The following CSMD1 variants were observed in gnomAD, a reference collection of about 807,000 sequenced individuals.
CSMD1 encodes CUB and sushi domain-containing protein 1.
A neutral mutation model predicts 417.5 loss-of-function variants in CSMD1; 213 were observed. The observed-to-expected ratio is 0.51, with a 90% CI of 0.46 to 0.57. The LOEUF (loss-of-function observed/expected upper bound fraction) is 0.57. Among genes scored for constraint, CSMD1 ranks in the 20% least tolerant of loss-of-function variants. CSMD1 has a pLI of 0.00. For synonymous variants in CSMD1, 2,862 were observed against 1,736.8 expected, an observed-to-expected ratio of 1.65 and a Z score of -16.11; for missense variants, 6,923 against 4,529.7, an observed-to-expected ratio of 1.53 and a Z score of -15.17.
chr8:4,930,010 G>A (rs1006443644), intron 1 of CSMD1, among the ~76,000 whole-genome samples: 12 of 152,168 alleles, frequency 7.9e-5, no homozygotes, highest in African/African-American at 2.9e-4. Context: ...AAGCACTGAT[G>A]AGGTGAATGA....
At position 3,920,462 on chromosome 8, in the gene CSMD1, G is replaced by A. The variant is rs982327191; in HGVS notation, c.818+77441C>T. On this transcript the variant is annotated intron_variant, in intron 5 of 69. Transcript: ENST00000635120. The stretch of plus-strand genomic sequence containing the variant: ...TTACTTCTTACTTTCCAATTTGAGT[G>A]CCTTTTATTCTTTTACTTTCCTAAT... Among the ~76,000 whole-genome samples, 6 of 151,958 alleles carry A rather than the reference G, an allele frequency of 3.9e-5. No individual in the cohort carries two copies. The East Asian group carries it at 1.2e-3, about 29-fold the overall frequency.
chr8:4,304,700 C>A (rs551967237), intron 3 of CSMD1, among the ~76,000 whole-genome samples: 33 of 152,208 alleles, frequency 2.2e-4, no homozygotes, highest in African/African-American at 7.5e-4. Flanking sequence ...GAAGATGATG[C>A]CCCTCCCTAC....
intron 3 of CSMD1, among the ~76,000 whole-genome samples, chr8:4,162,206 G>C (rs185521161): frequency 2.0e-5 from 3 of 152,268 alleles, no homozygotes; most frequent in African/African-American, 7.2e-5. Flanking sequence ...TTATATGCAT[G>C]TCTTTTAATT....
At chr8:4,952,295 A>G (rs977141604) in intron 1 of CSMD1, among the ~76,000 whole-genome samples, 2 of 151,980 alleles carry the variant, frequency 1.3e-5, no homozygotes, top group Non-Finnish European at 2.9e-5. Flanking sequence ...AAATATTATA[A>G]TCAAGTTAAT....
chr8:3,609,967 A>C (rs1801811484), intron 8 of CSMD1, among the ~76,000 whole-genome samples: 2 of 151,684 alleles, frequency 1.3e-5, no homozygotes, highest in Non-Finnish European at 2.9e-5. Flanking sequence ...ATGCCCAGCT[A>C]ATTTTTGTAT....
chr8:4,922,206 G>C (rs35298736), intron 1 of CSMD1, among the ~76,000 whole-genome samples: 6 of 151,806 alleles, frequency 4.0e-5, no homozygotes, highest in African/African-American at 1.5e-4. Flanking sequence ...GTGCGTGCAT[G>C]TCTGTCTGTG....
intron 3 of CSMD1, among the ~76,000 whole-genome samples, chr8:4,218,466 T>C (rs1800821451): frequency 6.6e-6 from 1 of 152,240 alleles, no homozygotes; most frequent in Non-Finnish European, 1.5e-5. Flanking sequence ...TCCATGAAAG[T>C]CTCAACCTCC....
intron 3 of CSMD1, among the ~76,000 whole-genome samples, chr8:4,397,940 G>C (rs182648769): frequency 1.3e-4 from 20 of 152,092 alleles, no homozygotes; most frequent in African/African-American, 4.8e-4. Flanking sequence ...TTCTAGAGTA[G>C]GAAAAAATGG....
intron 1 of CSMD1, among the ~76,000 whole-genome samples, chr8:4,771,839 T>C (rs1008561906): frequency 3.3e-5 from 5 of 152,180 alleles, no homozygotes; most frequent in Non-Finnish European, 7.3e-5. Flanking sequence ...ACCTTTTCTG[T>C]TGTGGTTTTA....
chr8:3,481,992 G>A (rs1040813942), intron 11 of CSMD1, among the ~76,000 whole-genome samples: 4 of 152,194 alleles, frequency 2.6e-5, no homozygotes, highest in African/African-American at 9.7e-5. Flanking sequence ...AGTCACATAT[G>A]TTTATTGTAA....
intron 54 of CSMD1, among the ~76,000 whole-genome samples, chr8:2,983,647 C>T (rs920057353): frequency 6.6e-6 from 1 of 152,072 alleles, no homozygotes; most frequent in African/African-American, 2.4e-5. Context: ...TAAATCTAAT[C>T]GTAACCCAAA....
At chr8:3,784,292 ATAATAT>A (rs1165083917) in intron 5 of CSMD1, among the ~76,000 whole-genome samples, 5 of 152,196 alleles carry the variant, frequency 3.3e-5, no homozygotes, top group Admixed American at 6.5e-5. Flanking sequence ...TCTCAGATAA[ATAATAT>A]TAAATATATA....
At chr8:4,138,065 T>A (rs1350814194) in intron 3 of CSMD1, among the ~76,000 whole-genome samples, 16 of 57,752 alleles carry the variant, frequency 2.8e-4, no homozygotes, top group African/African-American at 8.3e-4. Flanking sequence ...TTTTTTTTTT[T>A]TTTTTTTTTT....
In CSMD1 at chr8:4,509,584, C is replaced by T. The variant is rs1345162304; in HGVS notation, c.303-89519G>A. On this transcript the variant is annotated intron_variant, in intron 2 of 69. Coordinates refer to ENST00000635120, the MANE Select transcript of CSMD1 (RefSeq NM_033225.6). ...GGTCAGGAAAGCCAGTCCTGCAGAG[C>T]GAAAGCAGACACACCCCAGCCAAGT... Among the ~76,000 whole-genome samples the T allele has an allele frequency of 3.3e-5, 5 of 152,234 alleles. 1 individual carries two copies. Among genetic ancestry groups the T allele is most frequent in the Admixed American group, 2.0e-4 (3 of 15,302 alleles).
At chr8:3,657,669 G>A (rs1289276566) in intron 7 of CSMD1, among the ~76,000 whole-genome samples, 1 of 152,102 alleles carries the variant, frequency 6.6e-6, no homozygotes, top group Non-Finnish European at 1.5e-5. Context: ...CACAAGGAAG[G>A]GAACATCACA....
At chr8:3,509,620 A>T (rs1050131976) in intron 10 of CSMD1, among the ~76,000 whole-genome samples, 1 of 152,224 alleles carries the variant, frequency 6.6e-6, no homozygotes, top group Non-Finnish European at 1.5e-5. Flanking sequence ...AACAGATCTA[A>T]TCTGGGAAAG....
rs144266131 is a variant in CSMD1 at position 2,964,853 on chromosome 8, T to C, written c.9280+922A>G. On this transcript the variant is annotated intron_variant, in intron 59 of 69. Transcript: ENST00000635120. ...CATATTTTTGAGCATTCAGGTCACA[T>C]TTAAGCCTCTGCCACATTTAACCAT... Among the ~76,000 whole-genome samples the C allele has an allele frequency of 5.2e-3, 790 of 152,276 alleles. 9 individuals are homozygous for C. The highest frequency in any genetic ancestry group is 0.01 in the Middle Eastern group (3 of 294).
At chr8:3,478,851 T>C (rs1293868513) in intron 11 of CSMD1, among the ~76,000 whole-genome samples, 3 of 152,270 alleles carry the variant, frequency 2.0e-5, no homozygotes, top group South Asian at 2.1e-4. Context: ...GATGCAGCTA[T>C]ATAAATGATC....
In CSMD1 at chr8:3,057,654, TA is replaced by T. The variant is rs537319545; in HGVS notation, c.7475-5008del. On this transcript the variant is annotated intron_variant, in intron 49 of 69. Coordinates refer to ENST00000635120, the MANE Select transcript of CSMD1 (RefSeq NM_033225.6). ...TATTCGACTTTCTTACAGATAAAGT[TA>T]CAGATGCTAACATTTTTTATATCAT... is the stretch of plus-strand genomic sequence containing the variant. Among the ~76,000 whole-genome samples the T allele has an allele frequency of 7.9e-5, 12 of 152,298 alleles. No homozygotes were observed. In the South Asian group the frequency reaches 2.3e-3, roughly 29 times the overall value.
Sources: allele counts gnomAD v4.1 joint callset (sites outside exome capture counted in the v4.1 genomes callset), GRCh38; gene constraint gnomAD v4.1.1; transcripts MANE v1.5; gene names NCBI Gene and HGNC (gene_info 2026-07-23, HGNC 2026-07-21).